Variants in ARHGAP23 observed in about 807,000 individuals in gnomAD.
ARHGAP23 encodes the protein rho GTPase-activating protein 23.
Under a neutral mutation model 136.3 loss-of-function variants are expected in ARHGAP23, and 34 were observed. The observed-to-expected ratio is 0.25, with a 90% CI of 0.19 to 0.33. The LOEUF (loss-of-function observed/expected upper bound fraction) is 0.33, where lower values mean the gene tolerates loss of function less well. Among genes scored for constraint, ARHGAP23 ranks in the 10% least tolerant of loss-of-function variants. The pLI is 1.00. For synonymous variants in ARHGAP23, 832 were observed against 920.5 expected, an observed-to-expected ratio of 0.90 and a Z score of 1.74; for missense variants, 1,808 against 2,139.0, an observed-to-expected ratio of 0.85 and a Z score of 3.05.
intron 1 of ARHGAP23, among the ~76,000 whole-genome samples, chr17:38,445,029 G>T (rs2039000862): frequency 6.6e-6 from 1 of 151,914 alleles, no homozygotes; most frequent in Non-Finnish European, 1.5e-5. Context: ...TGTTGGCAAG[G>T]CTGGTCTCAA....
intron 20 of ARHGAP23, 50 bp downstream of exon 20, chr17:38,491,582 T>C (rs1466975036): frequency 2.6e-6 from 4 of 1,548,092 alleles, no homozygotes; most frequent in Non-Finnish European, 8.7e-7. Context: ...GCCCAGGCCA[T>C]GTTCCTCTGA....
At chr17:38,469,114 C>T in intron 7 of ARHGAP23, 30 bp from the exon 8 acceptor site, 1 of 1,532,384 alleles carries the variant, frequency 6.5e-7, no homozygotes, top group Non-Finnish European at 8.8e-7. Flanking sequence ...TGTCTGCTGC[C>T]TTCACACCTT....
chr17:38,425,551 A>G (rs551284311), upstream of ARHGAP23, among the ~76,000 whole-genome samples: 3 of 151,908 alleles, frequency 2.0e-5, no homozygotes, highest in Non-Finnish European at 4.4e-5. Flanking sequence ...ACCCCCTCAC[A>G]TAGTAGACCT....
chr17:38,467,383 G>C (rs2039636594), intron 7 of ARHGAP23, 52 bp downstream of exon 7: 1 of 1,439,996 alleles, frequency 6.9e-7, no homozygotes, highest in African/African-American at 1.4e-5. Flanking sequence ...TCGGCTGTCT[G>C]TGTCCTGCTG....
chr17:38,504,323 A>C (rs937439292), intron 23 of ARHGAP23, among the ~76,000 whole-genome samples: 41 of 152,204 alleles, frequency 2.7e-4, no homozygotes, highest in African/African-American at 9.6e-4. Flanking sequence ...TGTGTGCCGC[A>C]GTGGTCTCAG....
Position 38,471,750 on chromosome 17 carries a change from G to A in ARHGAP23, c.1975-113G>A, listed in dbSNP as rs185882549. 1.3e-4 allele frequency: 167 copies of A among 1,250,544 alleles called. No individual in the cohort carries two copies. The African/African-American group carries it at 2.3e-3, about 17-fold the overall frequency. 77.5% of individuals were successfully genotyped at this position (1,250,544 alleles called of 1,614,324 possible). ...GCCCATGAGGTCGCACAGCACATCG[G>A]GGTGTAGCACAGACATATATCAGGC... On this transcript the variant is annotated intron_variant, in intron 10 of 23. Transcript: ENST00000622683.
intron 23 of ARHGAP23, among the ~76,000 whole-genome samples, chr17:38,508,731 GGAGA>G (rs1007531733): frequency 1.3e-5 from 2 of 152,260 alleles, no homozygotes; most frequent in South Asian, 4.1e-4. Flanking sequence ...TGTGGGTGGA[GGAGA>G]GAGGGAGGAG....
chr17:38,492,712 C>G (rs1878112540), intron 20 of ARHGAP23, among the ~76,000 whole-genome samples: 1 of 152,190 alleles, frequency 6.6e-6, no homozygotes, highest in Non-Finnish European at 1.5e-5. Flanking sequence ...GCTCAGGGCT[C>G]CGAGCCACAG....
In ARHGAP23 at chr17:38,447,437, G is replaced by GAAAAAAAAAAAAAAAA. The variant is rs71138625; in HGVS notation, c.64-10652_64-10637dup. Among the ~76,000 whole-genome samples the GAAAAAAAAAAAAAAAA allele has an allele frequency of 1.4e-3, 35 of 25,644 alleles. 1 individual carries two copies. The highest frequency in any genetic ancestry group is 1.9e-3 in the Non-Finnish European group (26 of 13,846). 16.8% of individuals were successfully genotyped at this position (25,644 alleles called of 152,430 possible). A position where few individuals can be genotyped will look rare whatever the true frequency, so the allele number is the denominator to read the frequency against. ...AGCCTGGGCAACAGAGACTCCGTCT[G>GAAAAAAAAAAAAAAAA]AAAAAAAAAAAAAAAAAAAAAAAAA... On this transcript the variant is annotated intron_variant, in intron 1 of 23. Coordinates refer to ENST00000622683, the MANE Select transcript of ARHGAP23 (RefSeq NM_001199417.2).
At chr17:38,471,263 T>C (rs960638133) in intron 10 of ARHGAP23, among the ~76,000 whole-genome samples, 4 of 152,258 alleles carry the variant, frequency 2.6e-5, no homozygotes, top group Non-Finnish European at 4.4e-5. Context: ...CACCTTTCCC[T>C]GGCTGTTTTT....
chr17:38,453,957 G>A (rs2039260257), intron 1 of ARHGAP23: 1 of 145,532 alleles, frequency 6.9e-6, no homozygotes, highest in Non-Finnish European at 1.5e-5. Flanking sequence ...GCCGGGCCCG[G>A]GAGCCCCCGC....
At chr17:38,500,523 A>C (rs2040496667) in intron 22 of ARHGAP23, 74 bp from the exon 23 acceptor site, 1 of 1,330,292 alleles carries the variant, frequency 7.5e-7, no homozygotes, top group African/African-American at 1.5e-5. Flanking sequence ...GAGGAGAGGG[A>C]ATTGTGTGCA....
At chr17:38,463,911 G>C (rs576022946) in intron 6 of ARHGAP23, among the ~76,000 whole-genome samples, 1 of 151,872 alleles carries the variant, frequency 6.6e-6, no homozygotes, top group Non-Finnish European at 1.5e-5. Context: ...GGCACGTGCC[G>C]CAATACAGAC....
At chr17:38,475,246 G>T (rs1397827489) in intron 11 of ARHGAP23, among the ~76,000 whole-genome samples, 3 of 152,226 alleles carry the variant, frequency 2.0e-5, no homozygotes, top group African/African-American at 4.8e-5. Flanking sequence ...ACAGTGACTT[G>T]TCCCCGCAGC....
chr17:38,510,506 G>T lies in ARHGAP23; in HGVS notation c.4010G>T (p.Gly1337Val), dbSNP rs2040735684. The change falls in exon 24 of 24, where the codon GGT becomes GTT. Residue 1337 changes from glycine (G) to valine (V), a missense_variant. By Grantham distance (109) the Gly-to-Val change is moderately radical. Coordinates refer to ENST00000622683, the MANE Select transcript of ARHGAP23 (RefSeq NM_001199417.2). The surrounding 1 kb of genome is among the most constrained non-coding windows in gnomAD (Gnocchi z 4.6). ...GACGGCGAGGGCGCGGGCCGGGGCG[G>T]TCCCCGCGCCCCGGAGCCGCCCGGC... ...RPDGEGAGRGGPRAPEPPGSA... is the reference protein window; with the variant it reads ...RPDGEGAGRGVPRAPEPPGSA... 1.8e-6 allele frequency: 2 copies of T among 1,142,076 alleles called. No homozygotes were observed. Among genetic ancestry groups the T allele is most frequent in the African/African-American group, 1.7e-5 (1 of 60,568 alleles). 70.7% of individuals were successfully genotyped at this position (1,142,076 alleles called of 1,614,324 possible).
At position 38,509,876 on chromosome 17, in the gene ARHGAP23, G is replaced by A. The variant is rs958432756; in HGVS notation, c.3448-68G>A. Reference sequence around the variant, plus strand: ...GGGTGCCGTGACGTGGGGGTGGACCGGGTAGAGCGGGGTCGGCAGGGGGCC... The same window carrying A: ...GGGTGCCGTGACGTGGGGGTGGACCAGGTAGAGCGGGGTCGGCAGGGGGCC... On this transcript the variant is annotated intron_variant, in intron 23 of 23. Transcript: ENST00000622683. 2.7e-5 allele frequency: 32 copies of A among 1,171,324 alleles called. No homozygotes were observed. In the Admixed American group the frequency reaches 3.4e-4, roughly 12 times the overall value. The allele number at this position is 1,171,324 out of a possible 1,614,324, so 72.6% of individuals were successfully genotyped here.
rs1022474806 is a variant in ARHGAP23 at position 38,512,341 on chromosome 17, C to T, written c.*1369C>T. On this transcript the variant is annotated 3_prime_UTR_variant, in exon 24 of 24. Coordinates refer to ENST00000622683, the MANE Select transcript of ARHGAP23 (RefSeq NM_001199417.2). Reference sequence around the variant, plus strand: ...ATTTCCTGCTTCTGAAAAGTCCTGTCTTAAAAGTACAGTCTATATCTTGGA... The same window carrying T: ...ATTTCCTGCTTCTGAAAAGTCCTGTTTTAAAAGTACAGTCTATATCTTGGA... 2.0e-5 allele frequency: 3 copies of T among 152,258 alleles called. No homozygotes were observed. Among genetic ancestry groups the T allele is most frequent in the Non-Finnish European group, 4.4e-5 (3 of 68,056 alleles). 9.4% of individuals were successfully genotyped at this position (152,258 alleles called of 1,614,324 possible).
upstream of ARHGAP23, among the ~76,000 whole-genome samples, chr17:38,423,680 G>A (rs1164605797): frequency 1.3e-5 from 2 of 151,990 alleles, no homozygotes; most frequent in African/African-American, 4.8e-5. Flanking sequence ...GCCAATAAAT[G>A]TCTTTTGACT....
intron 6 of ARHGAP23, among the ~76,000 whole-genome samples, chr17:38,464,446 G>A (rs1185135250): frequency 5.9e-5 from 9 of 152,230 alleles, no homozygotes; most frequent in Non-Finnish European, 1.2e-4. Context: ...GGGAGGCCCT[G>A]GGAGCCGCTG....
Sources: gnomAD v4.1 joint callset for allele counts (sites outside exome capture counted in the v4.1 genomes callset) on GRCh38, gnomAD v4.1.1 for gene constraint, Gnocchi (gnomAD v3.1) non-coding constraint, MANE v1.5 for transcripts, NCBI Gene and HGNC (gene_info 2026-07-23, HGNC 2026-07-21) for gene names.